ACER3: variants seen among roughly 807,000 people sequenced by gnomAD.
The protein encoded by ACER3 is alkCDase 3.
ACER3 carries 16 observed loss-of-function variants against 48.9 expected under a neutral mutation model. The observed-to-expected ratio is 0.33, with a 90% CI of 0.22 to 0.50. The LOEUF (loss-of-function observed/expected upper bound fraction) is 0.50, where lower values mean the gene tolerates loss of function less well. Among genes scored for constraint, ACER3 ranks in the 20% least tolerant of loss-of-function variants. ACER3 has a pLI of 0.98. For synonymous variants in ACER3, 109 were observed against 107.8 expected, an observed-to-expected ratio of 1.01 and a Z score of -0.07; for missense variants, 227 against 326.0, an observed-to-expected ratio of 0.70 and a Z score of 2.34.
chr11:76,921,477 C>G (rs1237203680), intron 1 of ACER3, among the ~76,000 whole-genome samples: 4 of 152,064 alleles, frequency 2.6e-5, no homozygotes, highest in Admixed American at 2.0e-4. Flanking sequence ...TTGAAAAGAC[C>G]ATCCTTTCCT....
chr11:76,966,760 G>A (rs1178912876), intron 3 of ACER3, among the ~76,000 whole-genome samples: 2 of 149,236 alleles, frequency 1.3e-5, no homozygotes, highest in South Asian at 2.1e-4. Context: ...TGAAACCAAC[G>A]AGAACAAAGA....
At chr11:76,965,810 A>T (rs1219463490) in intron 3 of ACER3, among the ~76,000 whole-genome samples, 1 of 151,312 alleles carries the variant, frequency 6.6e-6, no homozygotes, top group Non-Finnish European at 1.5e-5. Context: ...TGAAGGAAGC[A>T]CTAAACATGG....
intron 2 of ACER3, among the ~76,000 whole-genome samples, chr11:76,928,542 A>G (rs376469099): frequency 2.4e-4 from 36 of 152,318 alleles, no homozygotes; most frequent in African/African-American, 8.4e-4. Context: ...GCCCATGCCT[A>G]TGTCCTGAAT....
At chr11:76,996,989 G>A (rs2135252899) in intron 6 of ACER3, among the ~76,000 whole-genome samples, 1 of 152,226 alleles carries the variant, frequency 6.6e-6, no homozygotes, top group East Asian at 1.9e-4. Context: ...GGCTCCCAAA[G>A]TGCTGGGATT....
At chr11:77,000,994 A>G (rs1287149238) in intron 7 of ACER3, among the ~76,000 whole-genome samples, 1 of 152,266 alleles carries the variant, frequency 6.6e-6, no homozygotes, top group Admixed American at 6.5e-5. Context: ...ATGCATATCA[A>G]TTTGCAGAGC....
At chr11:76,948,643 A>G (rs1198951205) in intron 2 of ACER3, among the ~76,000 whole-genome samples, 1 of 152,184 alleles carries the variant, frequency 6.6e-6, no homozygotes, top group African/African-American at 2.4e-5. Flanking sequence ...ATGCCTTGAC[A>G]CTTTATGGAA....
At chr11:77,012,654 G>C (rs565600645) in intron 7 of ACER3, among the ~76,000 whole-genome samples, 8 of 152,108 alleles carry the variant, frequency 5.3e-5, no homozygotes, top group Admixed American at 5.2e-4. Flanking sequence ...TTTTTTTGTT[G>C]AGAGAAATTG....
chr11:76,870,800 A>G (rs1945223058), intron 1 of ACER3, among the ~76,000 whole-genome samples: 1 of 152,254 alleles, frequency 6.6e-6, no homozygotes, highest in East Asian at 1.9e-4. Flanking sequence ...TATATGAGAT[A>G]CAGCCACTAA....
In ACER3 at chr11:76,985,685, G is replaced by T; in HGVS notation, c.363G>T (p.Leu121=). 6.4e-7 allele frequency: 1 copy of T among 1,570,890 alleles called. No individual in the cohort carries two copies. The highest frequency in any genetic ancestry group is 2.4e-5 in the East Asian group (1 of 42,470). ...FKIKNSVNYH[L]LFTLVLFSLI... ...TCAAGAACTCAGTAAACTACCATCTGCTTTTTACCTTAGTTCTATTCAGTT... is the reference window on the plus strand; with the variant it reads ...TCAAGAACTCAGTAAACTACCATCTTCTTTTTACCTTAGTTCTATTCAGTT... The change falls in exon 5 of 11, where the codon CTG becomes CTT. Residue 121 remains leucine (L), a synonymous_variant. Transcript: ENST00000532485.
intron 3 of ACER3, among the ~76,000 whole-genome samples, chr11:76,967,457 A>G (rs1212506828): frequency 6.6e-6 from 1 of 152,250 alleles, no homozygotes; most frequent in African/African-American, 2.4e-5. Context: ...AACTCATTTT[A>G]TGAGGCCAGC....
intron 7 of ACER3, among the ~76,000 whole-genome samples, chr11:77,013,356 T>C (rs1949306242): frequency 1.3e-5 from 2 of 152,296 alleles, no homozygotes; most frequent in South Asian, 4.1e-4. Context: ...TTGCAAAATA[T>C]ATATCCAACA....
chr11:76,969,037 C>T (rs1201160572), intron 3 of ACER3, among the ~76,000 whole-genome samples: 2 of 152,030 alleles, frequency 1.3e-5, no homozygotes, highest in Non-Finnish European at 2.9e-5. Flanking sequence ...TTTTTGCAAT[C>T]TACTCATCTG....
intron 3 of ACER3, among the ~76,000 whole-genome samples, chr11:76,965,399 G>A (rs1443013411): frequency 6.6e-6 from 1 of 151,408 alleles, no homozygotes; most frequent in Non-Finnish European, 1.5e-5. Context: ...ATATTATCCA[G>A]GAGAACTTCC....
At chr11:76,898,833 G>A (rs555863126) in intron 1 of ACER3, among the ~76,000 whole-genome samples, 124 of 147,166 alleles carry the variant, frequency 8.4e-4, no homozygotes, top group African/African-American at 2.9e-3. Context: ...GAACCCGGGA[G>A]GCGGAGCTTG....
rs150399046 is a variant in ACER3 at position 76,871,122 on chromosome 11, A to G, written c.103+10043A>G. The stretch of plus-strand genomic sequence containing the variant: ...AGTGGCAAAGCGAAGATTTAAACTC[A>G]TGCTCTCTGACTTCCAGAGTGCATT... On this transcript the variant is annotated intron_variant, in intron 1 of 10. Transcript: ENST00000532485. Among the ~76,000 whole-genome samples the G allele has an allele frequency of 1.0e-3, 152 of 152,336 alleles. 1 individual carries two copies. The highest frequency in any genetic ancestry group is 1.8e-3 in the Non-Finnish European group (125 of 68,028).
intron 1 of ACER3, among the ~76,000 whole-genome samples, chr11:76,867,482 A>G (rs1945122709): frequency 8.0e-6 from 1 of 125,668 alleles, no homozygotes; most frequent in East Asian, 2.6e-4. Flanking sequence ...AAAAAAAAAA[A>G]AAAAAAAAAA....
chr11:76,885,165 C>T (rs1945640706), intron 1 of ACER3, among the ~76,000 whole-genome samples: 1 of 152,110 alleles, frequency 6.6e-6, no homozygotes, highest in Non-Finnish European at 1.5e-5. Flanking sequence ...TTTCTGCATT[C>T]TTATATGTTA....
At chr11:77,013,757 T>C (rs1345180211) in intron 7 of ACER3, among the ~76,000 whole-genome samples, 1 of 152,198 alleles carries the variant, frequency 6.6e-6, no homozygotes, top group Non-Finnish European at 1.5e-5. Flanking sequence ...AAAACATATG[T>C]CTATATAAAG....
intron 1 of ACER3, among the ~76,000 whole-genome samples, chr11:76,915,352 T>C (rs1253971746): frequency 6.6e-6 from 1 of 152,060 alleles, no homozygotes; most frequent in African/African-American, 2.4e-5. Context: ...TTCCTTACCC[T>C]TTGGAATTGA....
Sources: allele counts gnomAD v4.1 joint callset (sites outside exome capture counted in the v4.1 genomes callset), GRCh38; gene constraint gnomAD v4.1.1; transcripts MANE v1.5; gene names NCBI Gene and HGNC (gene_info 2026-07-23, HGNC 2026-07-21).